Variants in CHN2 observed in about 807,000 individuals in gnomAD.
CHN2 encodes beta-chimaerin.
A neutral mutation model predicts 56.3 loss-of-function variants in CHN2; 35 were observed. The observed-to-expected ratio is 0.62, with a 90% CI of 0.47 to 0.82. The LOEUF is 0.82. Among genes scored for constraint, CHN2 ranks in the 40% least tolerant of loss-of-function variants. The pLI is 0.00. For synonymous variants in CHN2, 210 were observed against 212.8 expected, an observed-to-expected ratio of 0.99 and a Z score of 0.12; for missense variants, 491 against 580.5, an observed-to-expected ratio of 0.85 and a Z score of 1.58.
chr7:29,410,456 TAATTA>T (rs1443330379), intron 6 of CHN2, among the ~76,000 whole-genome samples: 2 of 152,154 alleles, frequency 1.3e-5, no homozygotes, highest in African/African-American at 4.8e-5. Flanking sequence ...GGTTTTTTTT[TAATTA>T]AATAGGTTTG....
chr7:29,296,838 A>G (rs1793200143), intron 1 of CHN2, among the ~76,000 whole-genome samples: 2 of 152,242 alleles, frequency 1.3e-5, no homozygotes, highest in Admixed American at 1.3e-4. Context: ...GCAGAGGTAC[A>G]GAGTGACTTC....
intron 2 of CHN2, among the ~76,000 whole-genome samples, chr7:29,356,174 G>A (rs1798304370): frequency 6.6e-6 from 1 of 151,986 alleles, no homozygotes; most frequent in Non-Finnish European, 1.5e-5. Flanking sequence ...AAAATTAGTG[G>A]GGTAGCATTC....
At chr7:29,211,059 GTTT>G (rs60239658) in intron 1 of CHN2, among the ~76,000 whole-genome samples, 5 of 147,098 alleles carry the variant, frequency 3.4e-5, no homozygotes, top group African/African-American at 1.0e-4. Context: ...TAGGTGTTTT[GTTT>G]TTTTTTTTGT....
intron 6 of CHN2, among the ~76,000 whole-genome samples, chr7:29,455,416 A>G (rs1309931982): frequency 6.6e-6 from 1 of 152,118 alleles, no homozygotes; most frequent in Non-Finnish European, 1.5e-5. Context: ...ACAGTTGAGG[A>G]CACCCTGAAA....
intron 2 of CHN2, among the ~76,000 whole-genome samples, chr7:29,366,725 C>T (rs1799193985): frequency 6.6e-6 from 1 of 152,154 alleles, no homozygotes; most frequent in Non-Finnish European, 1.5e-5. Flanking sequence ...GTGACCTATA[C>T]TTAGAAATGT....
At chr7:29,251,152 T>C (rs1788480139) in intron 1 of CHN2, among the ~76,000 whole-genome samples, 1 of 152,230 alleles carries the variant, frequency 6.6e-6, no homozygotes, top group African/African-American at 2.4e-5. Context: ...CAAGGGATTA[T>C]GATTTAAAAT....
intron 1 of CHN2, among the ~76,000 whole-genome samples, chr7:29,266,116 G>A (rs1189178983): frequency 1.3e-5 from 2 of 152,182 alleles, no homozygotes; most frequent in East Asian, 3.9e-4. Flanking sequence ...TAAAATGTGT[G>A]TGTGTTCCCC....
At chr7:29,482,947 A>G (rs975884324) in intron 7 of CHN2, among the ~76,000 whole-genome samples, 4 of 149,504 alleles carry the variant, frequency 2.7e-5, no homozygotes, top group African/African-American at 9.9e-5. Context: ...TCAGCCTCCC[A>G]AGTAGCTGGG....
intron 2 of CHN2, among the ~76,000 whole-genome samples, chr7:29,155,025 C>A (rs1302694121): frequency 6.6e-6 from 1 of 152,128 alleles, no homozygotes; most frequent in Non-Finnish European, 1.5e-5. Flanking sequence ...TGCAGGGAAA[C>A]TCCCCTCTTT....
chr7:29,178,385 C>T (rs374668520), intron 2 of CHN2, among the ~76,000 whole-genome samples: 2 of 152,108 alleles, frequency 1.3e-5, no homozygotes, highest in Non-Finnish European at 2.9e-5. Flanking sequence ...TCTTCCTCTG[C>T]GTGCGGTTTC....
chr7:29,384,968 C>T (rs565798448), intron 3 of CHN2, among the ~76,000 whole-genome samples: 1 of 152,310 alleles, frequency 6.6e-6, no homozygotes, highest in Non-Finnish European at 1.5e-5. Context: ...GTATGCATAG[C>T]ATGGCTGATC....
intron 1 of CHN2, among the ~76,000 whole-genome samples, chr7:29,239,940 A>G (rs1228716464): frequency 6.6e-6 from 1 of 152,242 alleles, no homozygotes; most frequent in African/African-American, 2.4e-5. Context: ...TTTTTTTAAA[A>G]AAATGCATAA....
chr7:29,297,751 G>T (rs1417612581), intron 1 of CHN2, among the ~76,000 whole-genome samples: 1 of 152,042 alleles, frequency 6.6e-6, no homozygotes, highest in African/African-American at 2.4e-5. Context: ...TAAGGCTTGG[G>T]AAATTAACCT....
At chr7:29,441,730 T>C (rs1732721615) in intron 6 of CHN2, among the ~76,000 whole-genome samples, 1 of 152,172 alleles carries the variant, frequency 6.6e-6, no homozygotes, top group South Asian at 2.1e-4. Flanking sequence ...CGCATTGATA[T>C]TACCTCACAC....
chr7:29,396,953 G>A (rs1321702085), intron 4 of CHN2: 1 of 152,340 alleles, frequency 6.6e-6, no homozygotes, highest in Non-Finnish European at 1.5e-5. Flanking sequence ...GGGCCAGTTA[G>A]ACCCCCTGAG....
At chr7:29,215,180 A>G (rs1389019228) in intron 1 of CHN2, among the ~76,000 whole-genome samples, 2 of 152,214 alleles carry the variant, frequency 1.3e-5, no homozygotes, top group African/African-American at 4.8e-5. Context: ...TAAATATTTT[A>G]GTTCAAACTC....
At chr7:29,509,476 G>T in intron 12 of CHN2, 70 bp downstream of exon 12, 2 of 1,192,406 alleles carry the variant, frequency 1.7e-6, no homozygotes, top group Non-Finnish European at 2.5e-6. Context: ...AAAAGTGGAC[G>T]GCATTCCTCC....
intron 2 of CHN2, among the ~76,000 whole-genome samples, chr7:29,363,828 T>A (rs1798929028): frequency 6.6e-6 from 1 of 151,830 alleles, no homozygotes; most frequent in Non-Finnish European, 1.5e-5. Context: ...TGGGAATGAG[T>A]AATCCAGGTA....
intron 1 of CHN2, among the ~76,000 whole-genome samples, chr7:29,225,638 A>T (rs756010084): frequency 6.6e-6 from 1 of 152,210 alleles, no homozygotes; most frequent in Non-Finnish European, 1.5e-5. Flanking sequence ...CTGGTTTTAC[A>T]GGATATGGAA....
Sources: allele counts gnomAD v4.1 joint callset (sites outside exome capture counted in the v4.1 genomes callset), GRCh38; gene constraint gnomAD v4.1.1; transcripts MANE v1.5; gene names NCBI Gene and HGNC (gene_info 2026-07-23, HGNC 2026-07-21).